Variants in PCDHB10 observed in about 807,000 individuals in gnomAD.
PCDHB10 encodes protocadherin beta-10.
For synonymous variants in PCDHB10, 448 were observed against 449.2 expected (o/e 1.00, Z 0.04); for missense variants, 1,046 against 1,004.7 (o/e 1.04, Z -0.56).
Position 141,194,865 on chromosome 5 carries a change from A to G in PCDHB10, c.2313A>G (p.Pro771=). The change falls in exon 1 of 1, where the codon CCA becomes CCG. Residue 771 remains proline (P), a synonymous_variant. Transcript: ENST00000239446. The stretch of plus-strand genomic sequence containing the variant: ...CCAGTGAGTTCAAGTTCTTGAAACC[A>G]GTTATTTCGGATATTCAGGCACAGG... ...PGTSEFKFLK[P]VISDIQAQGP... 3.1e-6 allele frequency: 5 copies of G among 1,614,188 alleles called. No homozygotes were observed. The highest frequency in any genetic ancestry group is 4.2e-6 in the Non-Finnish European group (5 of 1,180,038).
In PCDHB10 at chr5:141,194,285, G is replaced by A. The variant is rs781965062; in HGVS notation, c.1733G>A (p.Arg578Gln). 1 of 1,604,802 alleles carries A rather than the reference G, an allele frequency of 6.2e-7. No individual in the cohort carries two copies. The highest frequency in any genetic ancestry group is 8.5e-7 in the Non-Finnish European group (1 of 1,177,878). Residue 578 changes from arginine to glutamine, a missense_variant, in exon 1 of 1, where the codon CGG becomes CAG. By Grantham distance (43) the Arg-to-Gln change is conservative. Transcript: ENST00000239446. ...GSAPCTELVP[R>Q]AAEPGYLVTK... Reference sequence around the variant, plus strand: ...GCGCCCTGCACCGAGCTGGTGCCCCGGGCGGCCGAGCCGGGCTACCTGGTG... The same window carrying A: ...GCGCCCTGCACCGAGCTGGTGCCCCAGGCGGCCGAGCCGGGCTACCTGGTG...
At position 141,194,900 on chromosome 5, in the gene PCDHB10, G is replaced by T; in HGVS notation, c.2348G>T (p.Arg783Met). Residue 783 changes from arginine to methionine, a missense_variant, in exon 1 of 1, where the codon AGG (arginine) becomes ATG (methionine). Coordinates refer to ENST00000239446, the MANE Select transcript of PCDHB10 (RefSeq NM_018930.4). ...GATATTCAGGCACAGGGCCCTGGGA[G>T]GAAGGGTGAAGAAAATTCCACCTTC... Reference protein sequence around the residue: ...ISDIQAQGPGRKGEENSTFRN... With the variant: ...ISDIQAQGPGMKGEENSTFRN... 6.2e-7 allele frequency: 1 copy of T among 1,613,448 alleles called. No homozygotes were observed. Among genetic ancestry groups the T allele is most frequent in the Non-Finnish European group, 8.5e-7 (1 of 1,179,656 alleles).
rs368377994 is a variant in PCDHB10, at chr5:141,195,148, T to A, written c.*193T>A. On this transcript the variant is annotated 3_prime_UTR_variant, in exon 1 of 1. Transcript: ENST00000239446. ...TGGGTTTAATTTAATGAGTATTTTTTTCTAAATGATAGTGTTAAGGTTTTA... is the reference window on the plus strand; with the variant it reads ...TGGGTTTAATTTAATGAGTATTTTTATCTAAATGATAGTGTTAAGGTTTTA... The A allele has an allele frequency of 1.8e-6, 1 of 549,262 alleles. No individual in the cohort carries two copies. The highest frequency in any genetic ancestry group is 1.9e-5 in the African/African-American group (1 of 51,474). The allele number at this position is 549,262 out of a possible 1,614,324, so 34.0% of individuals were successfully genotyped here.
In PCDHB10 at chr5:141,192,522, A is replaced by C. The variant is rs549397993; in HGVS notation, c.-31A>C. The C allele has an allele frequency of 6.2e-7, 1 of 1,601,404 alleles. No individual in the cohort carries two copies. The highest frequency in any genetic ancestry group is 2.2e-5 in the East Asian group (1 of 44,804). On this transcript the variant is annotated 5_prime_UTR_variant, in exon 1 of 1. Transcript: ENST00000239446. ...CTTTTATGCTGGGAGCTGTGGCTGT[A>C]ACCAACTAGGAAATAACGTATGCAG...
In PCDHB10 at chr5:141,193,595, T is replaced by C; in HGVS notation, c.1043T>C (p.Ile348Thr). 6.2e-7 allele frequency: 1 copy of C among 1,614,112 alleles called. No homozygotes were observed. The change falls in exon 1 of 1, where the codon ATC becomes ACC. Residue 348 changes from isoleucine (I) to threonine (T), a missense_variant. Ile to Thr is a moderately conservative substitution (Grantham distance 89, BLOSUM62 -1). Coordinates refer to ENST00000239446, the MANE Select transcript of PCDHB10 (RefSeq NM_018930.4). Reference sequence around the variant, plus strand: ...ACCAATGACAATCCCCCTGAACTGATCGTATCATCATTTTCCAACTCTGTT... The same window carrying C: ...ACCAATGACAATCCCCCTGAACTGACCGTATCATCATTTTCCAACTCTGTT... ...LDTNDNPPEL[I>T]VSSFSNSVAE... is the part of the protein sequence containing the mutation.
chr5:141,193,150 C>G lies in PCDHB10; in HGVS notation c.598C>G (p.Leu200Val). 1.2e-6 allele frequency: 2 copies of G among 1,614,142 alleles called. No individual in the cohort carries two copies. Among genetic ancestry groups the G allele is most frequent in the Non-Finnish European group, 1.7e-6 (2 of 1,180,038 alleles). ...TCCAGAGCTAGTGTTGGACAAAGCA[C>G]TGGATCGGGAGGAGCAGGGAGAGCT... ...IYPELVLDKA[L>V]DREEQGELSL... The change falls in exon 1 of 1, where the codon CTG (leucine) becomes GTG (valine). Residue 200 changes from leucine (L) to valine (V), a missense_variant. Leu to Val is a conservative substitution (Grantham distance 32, BLOSUM62 1). Transcript: ENST00000239446.
Position 141,192,999 on chromosome 5 carries a change from G to A in PCDHB10, c.447G>A (p.Gly149=). 2 of 1,614,150 alleles carry A rather than the reference G, an allele frequency of 1.2e-6. No homozygotes were observed. The highest frequency in any genetic ancestry group is 1.7e-6 in the Non-Finnish European group (2 of 1,180,034). Residue 149 remains glycine, a synonymous_variant, in exon 1 of 1, where the codon GGG becomes GGA. Transcript: ENST00000239446. Reference sequence around the variant, plus strand: ...AAATATCAGAAAATACAGCTGAAGGGACAGCATTTAGACTAGAAAGAGCAC... The same window carrying A: ...AAATATCAGAAAATACAGCTGAAGGAACAGCATTTAGACTAGAAAGAGCAC... ...VLKISENTAE[G]TAFRLERAQD...
Position 141,193,111 on chromosome 5 carries a change from G to A in PCDHB10, c.559G>A (p.Glu187Lys), listed in dbSNP as rs1438920684. 1.2e-6 allele frequency: 2 copies of A among 1,614,016 alleles called. No individual in the cohort carries two copies. The highest frequency in any genetic ancestry group is 1.7e-6 in the Non-Finnish European group (2 of 1,180,038). Residue 187 changes from glutamate to lysine, a missense_variant, in exon 1 of 1, where the codon GAA (glutamate) becomes AAA (lysine). Transcript: ENST00000239446. ...CCATATTAACATTAGTGGCGGTGAT[G>A]AAGGCATGATATATCCAGAGCTAGT... ...FFHINISGGD[E>K]GMIYPELVLD... is the part of the protein sequence containing the mutation.
rs17844577 is a variant in PCDHB10 at position 141,194,136 on chromosome 5, G to A, written c.1584G>A (p.Glu528=). The A allele has an allele frequency of 1.2e-6, 2 of 1,604,862 alleles. No homozygotes were observed. The highest frequency in any genetic ancestry group is 8.5e-7 in the Non-Finnish European group (1 of 1,176,982). Residue 528 remains glutamate (E), a synonymous_variant, in exon 1 of 1, where the codon GAG becomes GAA. Coordinates refer to ENST00000239446, the MANE Select transcript of PCDHB10 (RefSeq NM_018930.4). ...ACTACGAGGCCCTGCAGGCTTTCGA[G>A]TTCCGCGTGGGCGCCACAGACCGCG... The part of the protein sequence containing the change: ...SLDYEALQAF[E]FRVGATDRGS...
chr5:141,193,812 T>C lies in PCDHB10; in HGVS notation c.1260T>C (p.Thr420=), dbSNP rs1210294837. ...AGATCAGAGCCGAGTACAACATCACTATCACCGTCACTGACTTGGGGACAC... is the reference window on the plus strand; with the variant it reads ...AGATCAGAGCCGAGTACAACATCACCATCACCGTCACTGACTTGGGGACAC... ...DREIRAEYNI[T]ITVTDLGTPR... Residue 420 remains threonine (T), a synonymous_variant, in exon 1 of 1, where the codon ACT becomes ACC. Transcript: ENST00000239446. The C allele has an allele frequency of 1.5e-5, 24 of 1,613,990 alleles. No individual in the cohort carries two copies. The highest frequency in any genetic ancestry group is 4.4e-5 in the South Asian group (4 of 91,078).
chr5:141,194,212 G>C lies in PCDHB10; in HGVS notation c.1660G>C (p.Ala554Pro), dbSNP rs371890899. The change falls in exon 1 of 1, where the codon GCC (alanine) becomes CCC (proline). Residue 554 changes from alanine to proline, a missense_variant. Ala to Pro is a conservative substitution (Grantham distance 27). Coordinates refer to ENST00000239446, the MANE Select transcript of PCDHB10 (RefSeq NM_018930.4). ...GCTGGTGCGCGTGCTGGTGCTGGAC[G>C]CCAACGACAACTCGCCCTTCGTGCT... ...EALVRVLVLD[A>P]NDNSPFVLYP... 2.5e-6 allele frequency: 4 copies of C among 1,603,470 alleles called. No homozygotes were observed. The African/African-American group carries it at 5.4e-5, about 21-fold the overall frequency.
rs781903154 is a variant in PCDHB10, at chr5:141,193,421, C to G, written c.869C>G (p.Thr290Arg). 4.3e-6 allele frequency: 7 copies of G among 1,614,048 alleles called. No individual in the cohort carries two copies. Among genetic ancestry groups the G allele is most frequent in the Admixed American group, 1.7e-5 (1 of 60,008 alleles). Residue 290 changes from threonine (T) to arginine (R), a missense_variant, in exon 1 of 1, where the codon ACA becomes AGA. By Grantham distance (71) the Thr-to-Arg change is moderately conservative (BLOSUM62 -1). Transcript: ENST00000239446. ...TTTGATGCCTCAGAAAATATTCGAA[C>G]AACCTTTCAAATCAATCCTTTTTCT... Reference protein sequence around the residue: ...SFFDASENIRTTFQINPFSGE... With the variant: ...SFFDASENIRRTFQINPFSGE...
In PCDHB10 at chr5:141,195,122, C is replaced by A. The variant is rs534440672; in HGVS notation, c.*167C>A. On this transcript the variant is annotated 3_prime_UTR_variant, in exon 1 of 1. Transcript: ENST00000239446. ...CATCATTTTTTTGCATTAATAACAA[C>A]TGGGTTTAATTTAATGAGTATTTTT... 35 of 668,292 alleles carry A rather than the reference C, an allele frequency of 5.2e-5. 1 individual carries two copies. In the South Asian group the frequency reaches 9.8e-4, roughly 19 times the overall value. 41.4% of individuals were successfully genotyped at this position (668,292 alleles called of 1,614,324 possible). A position where few individuals can be genotyped will look rare whatever the true frequency, so the allele number is the denominator to read the frequency against.
In PCDHB10 at chr5:141,193,492, T is replaced by A. The variant is rs782162207; in HGVS notation, c.940T>A (p.Ser314Thr). The change falls in exon 1 of 1, where the codon TCT (serine) becomes ACT (threonine). Residue 314 changes from serine (S) to threonine (T), a missense_variant. Ser to Thr is a moderately conservative substitution (Grantham distance 58). Transcript: ENST00000239446. The part of the protein sequence containing the change: ...RELLDYELVN[S>T]YKINIQAMDG... ...ATTGCTTGATTATGAGTTAGTAAAT[T>A]CTTACAAAATAAATATACAGGCAAT... The A allele has an allele frequency of 1.2e-6, 2 of 1,614,006 alleles. No individual in the cohort carries two copies. The highest frequency in any genetic ancestry group is 4.5e-5 in the East Asian group (2 of 44,888).
rs782365470 is a variant in PCDHB10 at position 141,193,679 on chromosome 5, G to A, written c.1127G>A (p.Gly376Glu). Residue 376 changes from glycine to glutamate, a missense_variant, in exon 1 of 1, where the codon GGA (glycine) becomes GAA (glutamate). Gly to Glu is a moderately conservative substitution (Grantham distance 98, BLOSUM62 -2). Coordinates refer to ENST00000239446, the MANE Select transcript of PCDHB10 (RefSeq NM_018930.4). ...AVFKINDRDS[G>E]ENGKMVCYIQ... is the part of the protein sequence containing the mutation. ...TTTAAGATTAATGACAGAGACTCTGGAGAAAATGGAAAGATGGTTTGCTAC... is the reference window on the plus strand; with the variant it reads ...TTTAAGATTAATGACAGAGACTCTGAAGAAAATGGAAAGATGGTTTGCTAC... 6.2e-7 allele frequency: 1 copy of A among 1,614,110 alleles called. No individual in the cohort carries two copies. The highest frequency in any genetic ancestry group is 2.2e-5 in the East Asian group (1 of 44,876).
At position 141,194,851 on chromosome 5, in the gene PCDHB10, A is replaced by G. The variant is rs781981423; in HGVS notation, c.2299A>G (p.Lys767Glu). The G allele has an allele frequency of 6.2e-7, 1 of 1,614,020 alleles. No individual in the cohort carries two copies. Among genetic ancestry groups the G allele is most frequent in the East Asian group, 2.2e-5 (1 of 44,860 alleles). Residue 767 changes from lysine (K) to glutamate (E), a missense_variant, in exon 1 of 1, where the codon AAG (lysine) becomes GAG (glutamate). Coordinates refer to ENST00000239446, the MANE Select transcript of PCDHB10 (RefSeq NM_018930.4). ...LTGGPGTSEF[K>E]FLKPVISDIQ... Reference sequence around the variant, plus strand: ...GGGAGGCCCCGGGACCAGTGAGTTCAAGTTCTTGAAACCAGTTATTTCGGA... The same window carrying G: ...GGGAGGCCCCGGGACCAGTGAGTTCGAGTTCTTGAAACCAGTTATTTCGGA...
rs782506858 is a variant in PCDHB10, at chr5:141,193,263, CA to C, written c.713del (p.Asn238MetfsTer32). 1 of 1,614,124 alleles carries C rather than the reference CA, an allele frequency of 6.2e-7. No individual in the cohort carries two copies. The highest frequency in any genetic ancestry group is 2.2e-5 in the East Asian group (1 of 44,864). ...GCATCGTTGTCTTGGACGTCAATGA[CA>C]ATGCCCCACAGTTTGCCCAGGCTCT... ...VRIVVLDVND[N>X]APQFAQALYE... On this transcript the variant is annotated frameshift_variant, in exon 1 of 1. Transcript: ENST00000239446. LOFTEE classifies it low-confidence loss of function (END_TRUNC).
Position 141,194,418 on chromosome 5 carries a change from G to A in PCDHB10, c.1866G>A (p.Gly622=). 1 of 1,602,922 alleles carries A rather than the reference G, an allele frequency of 6.2e-7. No homozygotes were observed. The highest frequency in any genetic ancestry group is 1.7e-5 in the Admixed American group (1 of 59,856). Residue 622 remains glycine, a synonymous_variant, in exon 1 of 1, where the codon GGG becomes GGA. Coordinates refer to ENST00000239446, the MANE Select transcript of PCDHB10 (RefSeq NM_018930.4). ...TGTTCGGTGTGTGGGCGCACAATGG[G>A]GAGGTGCGCACCGCCAGGCTGCTGA... The part of the protein sequence containing the change: ...PGLFGVWAHN[G]EVRTARLLSE...
rs782793760 is a variant in PCDHB10, at chr5:141,194,394, G to C, written c.1842G>C (p.Leu614=). The change falls in exon 1 of 1, where the codon CTG becomes CTC. Residue 614 remains leucine (L), a synonymous_variant. Coordinates refer to ENST00000239446, the MANE Select transcript of PCDHB10 (RefSeq NM_018930.4). The stretch of plus-strand genomic sequence containing the variant: ...TGCTCAAGGCCACGGAGCCCGGGCT[G>C]TTCGGTGTGTGGGCGCACAATGGGG... ...YQLLKATEPG[L]FGVWAHNGEV... is the part of the protein sequence containing the mutation. The C allele has an allele frequency of 1.4e-5, 23 of 1,602,792 alleles. No individual in the cohort carries two copies. The East Asian group carries it at 4.0e-4, about 28-fold the overall frequency.
Sources: gnomAD v4.1 joint callset for allele counts on GRCh38, gnomAD v4.1.1 for gene constraint, MANE v1.5 for transcripts, NCBI Gene and HGNC (gene_info 2026-07-23, HGNC 2026-07-21) for gene names.